The following CEP192 variants were observed in gnomAD, a reference collection of about 807,000 sequenced individuals.
CEP192 encodes the protein centrosomal protein of 192 kDa.
In CEP192, 151 loss-of-function variants were observed where a neutral mutation model predicts 271.8. The ratio of observed to expected loss-of-function variants is 0.56; its 90% confidence interval spans 0.49 to 0.64. The LOEUF (loss-of-function observed/expected upper bound fraction) is 0.64, where lower values mean the gene tolerates loss of function less well. Ranked by LOEUF, CEP192 falls within the 30% of genes least tolerant of loss-of-function variation. CEP192 has a pLI of 0.00. For synonymous variants in CEP192, 995 were observed against 1,076.5 expected (o/e 0.92, Z 1.48); for missense variants, 2,910 against 3,020.5 (o/e 0.96, Z 0.86).
At chr18:12,994,409 G>A (rs1281621783) in intron 1 of CEP192, among the ~76,000 whole-genome samples, 4 of 152,014 alleles carry the variant, frequency 2.6e-5, no homozygotes, top group African/African-American at 2.4e-5. Context: ...AGAAAATCTA[G>A]TATGTGGTGA....
chr18:13,024,995 C>T (rs988105529), intron 9 of CEP192, among the ~76,000 whole-genome samples: 25 of 151,742 alleles, frequency 1.6e-4, no homozygotes, highest in Admixed American at 1.2e-3. Context: ...TGGTCTCGAA[C>T]TCCTGACCTC....
chr18:13,093,712 T>C lies in CEP192; in HGVS notation c.6254+1185T>C, dbSNP rs117367982. On this transcript the variant is annotated intron_variant, in intron 34 of 44. Transcript: ENST00000506447. ...CTATATTGAGCATGAAAGTTCTGTT[T>C]TGTACTTTGGTAATTACATAACTTA... 2.3e-3 allele frequency among the ~76,000 whole-genome samples: 356 copies of C among 152,368 alleles called. 8 individuals carry two copies. In the East Asian group the frequency reaches 0.047, roughly 20 times the overall value.
chr18:13,090,041 T>C (rs952205273), intron 33 of CEP192, among the ~76,000 whole-genome samples: 9 of 152,176 alleles, frequency 5.9e-5, no homozygotes, highest in African/African-American at 2.2e-4. Flanking sequence ...TCAAAATAGA[T>C]AGTAATAAGG....
intron 3 of CEP192, among the ~76,000 whole-genome samples, chr18:13,003,849 G>A (rs957414572): frequency 6.6e-6 from 1 of 152,146 alleles, no homozygotes; most frequent in African/African-American, 2.4e-5. Context: ...TGTAGGAGGC[G>A]AGAGTGGGAG....
chr18:13,044,378 CTT>C (rs974844010), intron 15 of CEP192, among the ~76,000 whole-genome samples: 3 of 151,994 alleles, frequency 2.0e-5, no homozygotes, highest in African/African-American at 4.8e-5. Context: ...ATTGGGAACT[CTT>C]TTTGGTATTT....
Position 13,042,255 on chromosome 18 carries a change from T to C in CEP192, c.1988T>C (p.Leu663Pro). The C allele has an allele frequency of 1.2e-6, 2 of 1,613,532 alleles. No individual in the cohort carries two copies. The highest frequency in any genetic ancestry group is 1.7e-6 in the Non-Finnish European group (2 of 1,179,434). ...QAQLSEGSIT[L>P]QVEAVESTSQ... ...CAGCTAAGTGAAGGATCAATTACAC[T>C]TCAGGTTGAAGCAGTAGAGAGTACT... The change falls in exon 15 of 45, where the codon CTT becomes CCT. Residue 663 changes from leucine to proline, a missense_variant. By Grantham distance (98) the Leu-to-Pro change is moderately conservative (BLOSUM62 -3). Transcript: ENST00000506447.
Position 13,030,453 on chromosome 18 carries a change from T to A in CEP192, c.1391-12T>A. On this transcript the variant is annotated splice_polypyrimidine_tract_variant and intron_variant, in intron 10 of 44. Coordinates refer to ENST00000506447, the MANE Select transcript of CEP192 (RefSeq NM_032142.4). The stretch of plus-strand genomic sequence containing the variant: ...ATGTGTCATTTGATATTTTGGGAAT[T>A]TTATTTTTTAGAAACAGATCTCCCA... 6.5e-7 allele frequency: 1 copy of A among 1,542,928 alleles called. No individual in the cohort carries two copies. The highest frequency in any genetic ancestry group is 8.7e-7 in the Non-Finnish European group (1 of 1,144,068).
At chr18:13,105,130 G>A in intron 40 of CEP192, 51 bp downstream of exon 40, 1 of 1,259,522 alleles carries the variant, frequency 7.9e-7, no homozygotes, top group Non-Finnish European at 1.2e-6. Flanking sequence ...TTGTCCAGGA[G>A]TGCCTCATTG....
chr18:13,094,321 AC>A (rs1341467839), intron 34 of CEP192, among the ~76,000 whole-genome samples: 4 of 152,180 alleles, frequency 2.6e-5, no homozygotes, highest in South Asian at 2.1e-4. Flanking sequence ...CATCATGGTT[AC>A]CAAAGGGTGA....
intron 9 of CEP192, among the ~76,000 whole-genome samples, chr18:13,023,159 A>G (rs570654875): frequency 6.6e-6 from 1 of 152,182 alleles, no homozygotes; most frequent in African/African-American, 2.4e-5. Flanking sequence ...TATACATTTT[A>G]TTTCCTTTTC....
intron 28 of CEP192, 87 bp downstream of exon 28, chr18:13,071,299 A>G: frequency 3.5e-6 from 4 of 1,157,412 alleles, no homozygotes; most frequent in South Asian, 1.5e-5. Context: ...AAATTTTGTC[A>G]TAATAGACAC....
chr18:13,093,341 C>T (rs2039241522), intron 34 of CEP192, among the ~76,000 whole-genome samples: 1 of 152,184 alleles, frequency 6.6e-6, no homozygotes, highest in Admixed American at 6.5e-5. Flanking sequence ...AAATAACCTT[C>T]CTCTTTGCTG....
chr18:13,116,348 C>CT, intron 42 of CEP192, 29 bp from the exon 43 acceptor site: 1 of 1,601,334 alleles, frequency 6.2e-7, no homozygotes, highest in Non-Finnish European at 8.5e-7. Flanking sequence ...ATTTCAGATT[C>CT]TTAACTTTTA....
At position 13,078,016 on chromosome 18, in the gene CEP192, A is replaced by C. The variant is rs140299385; in HGVS notation, c.5616+4831A>C. On this transcript the variant is annotated intron_variant, in intron 30 of 44. Coordinates refer to ENST00000506447, the MANE Select transcript of CEP192 (RefSeq NM_032142.4). ...TTTGTTACACAGGTATACACGTGCC[A>C]TGGTGGTTTGCTGCACACATCTACC... Among the ~76,000 whole-genome samples, 511 of 152,240 alleles carry C rather than the reference A, an allele frequency of 3.4e-3. 4 individuals carry two copies. The highest frequency in any genetic ancestry group is 5.2e-3 in the Non-Finnish European group (356 of 68,014).
At chr18:13,096,422 ACT>A in intron 36 of CEP192, 115 bp downstream of exon 36, 2 of 1,374,562 alleles carry the variant, frequency 1.5e-6, no homozygotes, top group Non-Finnish European at 2.0e-6. Context: ...CACCGTGCTG[ACT>A]CTGCACAAAG....
At chr18:13,084,846 CT>C (rs1222210830) in intron 30 of CEP192, among the ~76,000 whole-genome samples, 3 of 151,660 alleles carry the variant, frequency 2.0e-5, no homozygotes, top group African/African-American at 7.3e-5. Context: ...CAGAGTCTTC[CT>C]CTGTTGCCCA....
intron 27 of CEP192, among the ~76,000 whole-genome samples, chr18:13,070,120 C>T (rs60669993): frequency 0.14 from 20,585 of 151,872 alleles, 1,533 homozygotes; most frequent in East Asian, 0.31. Context: ...AAGATCACAC[C>T]TCTGCACTCC....
At chr18:13,047,639 G>A (rs1268032741) in intron 15 of CEP192, among the ~76,000 whole-genome samples, 2 of 152,216 alleles carry the variant, frequency 1.3e-5, no homozygotes, top group African/African-American at 4.8e-5. Flanking sequence ...TTCTTAGCGA[G>A]AGGTTGGTTT....
chr18:13,021,672 G>A (rs1037093002), intron 9 of CEP192, among the ~76,000 whole-genome samples: 1 of 152,158 alleles, frequency 6.6e-6, no homozygotes, highest in African/African-American at 2.4e-5. Context: ...GAGGGATTTT[G>A]TTGAATCTAC....
Sources: gnomAD v4.1 joint callset for allele counts (sites outside exome capture counted in the v4.1 genomes callset) on GRCh38, gnomAD v4.1.1 for gene constraint, MANE v1.5 for transcripts, NCBI Gene and HGNC (gene_info 2026-07-23, HGNC 2026-07-21) for gene names.